GRIP1: variants seen among roughly 807,000 people sequenced by gnomAD.
The protein encoded by GRIP1 is glutamate receptor interacting protein 1.
A neutral mutation model predicts 129.9 loss-of-function variants in GRIP1; 45 were observed. The observed-to-expected ratio is 0.35, with a 90% confidence interval of 0.27 to 0.44. The LOEUF is 0.44. GRIP1 is among the 20% of genes least tolerant of loss of function. The pLI, the probability that GRIP1 is intolerant of heterozygous loss-of-function variation, is 1.00. For synonymous variants in GRIP1, 530 were observed against 520.8 expected, an observed-to-expected ratio of 1.02 and a Z score of -0.24; for missense variants, 1,196 against 1,396.8, an observed-to-expected ratio of 0.86 and a Z score of 2.29.
chr12:66,917,292 A>G (rs1049779821), intron 1 of GRIP1, among the ~76,000 whole-genome samples: 1 of 152,154 alleles, frequency 6.6e-6, no homozygotes, highest in African/African-American at 2.4e-5. Flanking sequence ...AGTAACCAAT[A>G]ATCTCTACAC....
At chr12:66,992,861 C>A (rs1271516272) in intron 1 of GRIP1, among the ~76,000 whole-genome samples, 6 of 152,104 alleles carry the variant, frequency 3.9e-5, no homozygotes, top group Non-Finnish European at 1.5e-5. Context: ...ACCTATAATC[C>A]CAGCACTTTG....
At chr12:66,697,714 A>G (rs909240334) in intron 1 of GRIP1, among the ~76,000 whole-genome samples, 9 of 152,224 alleles carry the variant, frequency 5.9e-5, no homozygotes, top group African/African-American at 2.2e-4. Context: ...AGACAGCTCC[A>G]AATCTGAACT....
chr12:66,633,958 G>A (rs1469657286), intron 1 of GRIP1, among the ~76,000 whole-genome samples: 2 of 152,174 alleles, frequency 1.3e-5, no homozygotes. Context: ...TGGATGAGAG[G>A]CATATGATTC....
intron 1 of GRIP1, among the ~76,000 whole-genome samples, chr12:66,870,762 T>A (rs1742106872): frequency 6.6e-6 from 1 of 152,122 alleles, no homozygotes; most frequent in African/African-American, 2.4e-5. Flanking sequence ...GGATGTAAAC[T>A]GTTTGTCAAT....
rs556021564 is a variant in GRIP1, at chr12:66,671,995, A to G, written c.55+6855T>C. On this transcript the variant is annotated intron_variant, in intron 1 of 24. Coordinates refer to ENST00000359742, the MANE Select transcript of GRIP1 (RefSeq NM_001366722.1). The stretch of plus-strand genomic sequence containing the variant: ...CCACATAAGGAAATACTACAGAGAC[A>G]GTAACAGTTTCCTATGACAAGTGTG... Among the ~76,000 whole-genome samples, 10 of 152,362 alleles carry G rather than the reference A, an allele frequency of 6.6e-5. No homozygotes were observed. In the South Asian group the frequency reaches 2.1e-3, roughly 32 times the overall value.
At chr12:66,736,090 T>G (rs1308809428) in intron 1 of GRIP1, among the ~76,000 whole-genome samples, 3 of 152,128 alleles carry the variant, frequency 2.0e-5, no homozygotes, top group Non-Finnish European at 2.9e-5. Flanking sequence ...AATCTGTGTA[T>G]AGCTTTTGAC....
intron 1 of GRIP1, among the ~76,000 whole-genome samples, chr12:67,004,048 C>G (rs1157782756): frequency 6.6e-6 from 1 of 152,160 alleles, no homozygotes; most frequent in African/African-American, 2.4e-5. Context: ...CTCTGTGACT[C>G]TCTCTCATAA....
At chr12:66,800,322 C>T (rs1237106262) in intron 1 of GRIP1, among the ~76,000 whole-genome samples, 1 of 152,122 alleles carries the variant, frequency 6.6e-6, no homozygotes, top group Non-Finnish European at 1.5e-5. Context: ...AGACCAAGAA[C>T]AGCAGTTACC....
At chr12:66,855,460 G>A (rs548653911) in intron 1 of GRIP1, among the ~76,000 whole-genome samples, 1 of 151,966 alleles carries the variant, frequency 6.6e-6, no homozygotes. Flanking sequence ...CGGAGTGTGT[G>A]AATCTCAGAC....
At chr12:66,618,088 A>G (rs1402901891) in intron 1 of GRIP1, among the ~76,000 whole-genome samples, 1 of 152,192 alleles carries the variant, frequency 6.6e-6, no homozygotes, top group East Asian at 1.9e-4. Context: ...TAATAACACA[A>G]TATTTGAAAT....
At chr12:66,843,434 A>C (rs1244207493) in intron 1 of GRIP1, among the ~76,000 whole-genome samples, 2 of 152,122 alleles carry the variant, frequency 1.3e-5, no homozygotes, top group Non-Finnish European at 2.9e-5. Flanking sequence ...TATGAATTTT[A>C]GCATGGATTT....
At position 66,893,910 on chromosome 12, in the gene GRIP1, C is replaced by G. The variant is rs191182146; in HGVS notation, c.58+175140G>C. ...TCTGTCATTCAGTCATCCCAAAGAC[C>G]CTATACAACCCAGCCCCTGATCCCG... On this transcript the variant is annotated intron_variant, in intron 1 of 1. Coordinates refer to the GRIP1 transcript ENST00000643019. Among the ~76,000 whole-genome samples, 1,062 of 152,232 alleles carry G rather than the reference C, an allele frequency of 7.0e-3. 13 individuals are homozygous for G. The highest frequency in any genetic ancestry group is 0.022 in the African/African-American group (928 of 41,526).
chr12:66,438,486 C>T (rs908368236), intron 13 of GRIP1, among the ~76,000 whole-genome samples: 12 of 150,174 alleles, frequency 8.0e-5, no homozygotes, highest in Non-Finnish European at 1.0e-4. Flanking sequence ...ATTCGTTCAC[C>T]GAGTATTTTT....
chr12:66,909,641 ATAAG>A, intron 1 of GRIP1, among the ~76,000 whole-genome samples: 1 of 152,338 alleles, frequency 6.6e-6, no homozygotes, highest in Middle Eastern at 3.4e-3. Flanking sequence ...ATTGAGTTAC[ATAAG>A]TAATTATATG....
At chr12:66,658,120 A>G (rs2033274935) in intron 1 of GRIP1, among the ~76,000 whole-genome samples, 1 of 152,174 alleles carries the variant, frequency 6.6e-6, no homozygotes, top group Non-Finnish European at 1.5e-5. Flanking sequence ...ACATAAATAA[A>G]CATATATATA....
chr12:66,405,020 G>C (rs561471773), intron 16 of GRIP1, among the ~76,000 whole-genome samples: 12 of 152,084 alleles, frequency 7.9e-5, no homozygotes, highest in Non-Finnish European at 1.8e-4. Context: ...CTCCAGCCTG[G>C]GTGTGCCACA....
intron 2 of GRIP1, among the ~76,000 whole-genome samples, chr12:66,559,871 CTGAGGAAA>C (rs2062459478): frequency 6.6e-6 from 1 of 151,822 alleles, no homozygotes; most frequent in Non-Finnish European, 1.5e-5. Context: ...CAAAAGTATC[CTGAGGAAA>C]AATAAAACTG....
chr12:66,519,813 C>T (rs1382974727), intron 5 of GRIP1, among the ~76,000 whole-genome samples: 1 of 152,142 alleles, frequency 6.6e-6, no homozygotes, highest in Admixed American at 6.5e-5. Flanking sequence ...ATGACTAGGC[C>T]CACCTACAAT....
intron 15 of GRIP1, among the ~76,000 whole-genome samples, chr12:66,411,778 A>T (rs1306459917): frequency 6.6e-6 from 1 of 152,354 alleles, no homozygotes; most frequent in East Asian, 1.9e-4. Flanking sequence ...CAGTTTAGTG[A>T]CAAACATAAA....
Sources: allele counts gnomAD v4.1 joint callset (sites outside exome capture counted in the v4.1 genomes callset), GRCh38; gene constraint gnomAD v4.1.1; transcripts MANE v1.5; gene names NCBI Gene and HGNC (gene_info 2026-07-23, HGNC 2026-07-21).